Variants in MGAT4A observed in about 807,000 individuals in gnomAD.
MGAT4A encodes the protein alpha-1,3-mannosyl-glycoprotein 4-beta-N-acetylglucosaminyltransferase A.
A neutral mutation model predicts 74.1 loss-of-function variants in MGAT4A; 33 were observed. The observed-to-expected ratio is 0.45, with a 90% CI of 0.34 to 0.60. The LOEUF is 0.60. Among genes scored for constraint, MGAT4A ranks in the 20% least tolerant of loss-of-function variants. The pLI, the probability that MGAT4A is intolerant of heterozygous loss-of-function variation, is 0.02. For synonymous variants in MGAT4A, 198 were observed against 210.4 expected (o/e 0.94, Z 0.51); for missense variants, 479 against 628.3 (o/e 0.76, Z 2.54).
intron 14 of MGAT4A, among the ~76,000 whole-genome samples, chr2:98,631,396 C>T (rs1701231102): frequency 6.6e-6 from 1 of 152,316 alleles, no homozygotes; most frequent in Non-Finnish European, 1.5e-5. Context: ...GGGCCTGTGC[C>T]CACCGACCTA....
intron 9 of MGAT4A, among the ~76,000 whole-genome samples, chr2:98,644,433 G>A (rs373870743): frequency 8.9e-4 from 136 of 152,162 alleles, no homozygotes; most frequent in African/African-American, 3.2e-3. Context: ...AAAAAATAAG[G>A]ACTCCTAATT....
intron 13 of MGAT4A, among the ~76,000 whole-genome samples, chr2:98,635,859 G>A (rs1053615447): frequency 4.0e-5 from 6 of 151,508 alleles, no homozygotes; most frequent in East Asian, 2.0e-4. Flanking sequence ...ATAGTGCCAC[G>A]CACCTATACT....
chr2:98,662,743 G>C (rs1701770128), intron 5 of MGAT4A, among the ~76,000 whole-genome samples: 1 of 152,104 alleles, frequency 6.6e-6, no homozygotes, highest in Non-Finnish European at 1.5e-5. Flanking sequence ...CAGGTTTCAG[G>C]ACTCCCAAAG....
chr2:98,701,346 T>G (rs561512760), intron 2 of MGAT4A, among the ~76,000 whole-genome samples: 2 of 152,358 alleles, frequency 1.3e-5, no homozygotes, highest in Admixed American at 6.5e-5. Context: ...CTGTATCCAT[T>G]GCACAATGGG....
chr2:98,641,336 C>T (rs1270629353), intron 10 of MGAT4A, among the ~76,000 whole-genome samples: 2 of 151,748 alleles, frequency 1.3e-5, no homozygotes, highest in Non-Finnish European at 2.9e-5. Flanking sequence ...GCCTGGCCAA[C>T]GTGGTGAAAC....
chr2:98,635,372 T>C (rs1701304403), intron 13 of MGAT4A, 84 bp from the exon 14 acceptor site: 1 of 1,007,434 alleles, frequency 9.9e-7, no homozygotes, highest in East Asian at 2.7e-5. Flanking sequence ...ATAGATGAAG[T>C]GGCATTTGTA....
chr2:98,635,114 A>G (rs2104225356), intron 14 of MGAT4A, 108 bp downstream of exon 14: 1 of 768,496 alleles, frequency 1.3e-6, no homozygotes, highest in Non-Finnish European at 2.1e-6. Context: ...AACCTGGAGG[A>G]CACTGGTAAT....
chr2:98,716,652 C>A (rs1172541013), intron 2 of MGAT4A, among the ~76,000 whole-genome samples: 1 of 152,162 alleles, frequency 6.6e-6, no homozygotes, highest in African/African-American at 2.4e-5. Context: ...ACATCAACAT[C>A]ATTTCTGTGG....
chr2:98,729,522 G>A (rs993334451), intron 1 of MGAT4A, among the ~76,000 whole-genome samples: 8 of 152,000 alleles, frequency 5.3e-5, no homozygotes, highest in African/African-American at 1.9e-4. Flanking sequence ...AATCTAACAC[G>A]TTTGAATCTT....
Position 98,679,022 on chromosome 2 carries a change from C to T in MGAT4A, c.95-551G>A, listed in dbSNP as rs13014343. ...GGTCAAAGCCCTGATCCCTAAAAAC[C>T]CAGTGAGTGGCCAGGCGTGGTGGCT... On this transcript the variant is annotated intron_variant, in intron 2 of 15. Coordinates refer to ENST00000393487, the MANE Select transcript of MGAT4A (RefSeq NM_012214.3). 9.4e-3 allele frequency among the ~76,000 whole-genome samples: 1,436 copies of T among 152,216 alleles called. 14 individuals carry two copies. Among genetic ancestry groups the T allele is most frequent in the Admixed American group, 0.016 (247 of 15,294 alleles).
intron 4 of MGAT4A, chr2:98,663,498 C>A: frequency 7.4e-7 from 1 of 1,355,802 alleles, no homozygotes; most frequent in Non-Finnish European, 9.6e-7. Context: ...CTAAACATAT[C>A]TTAAAAACTA....
At chr2:98,630,223 T>C (rs1453705298) in intron 14 of MGAT4A, among the ~76,000 whole-genome samples, 1 of 152,134 alleles carries the variant, frequency 6.6e-6, no homozygotes, top group Non-Finnish European at 1.5e-5. Context: ...AGAGAACAGA[T>C]CGTGCTGTCC....
intron 2 of MGAT4A, among the ~76,000 whole-genome samples, chr2:98,679,034 C>T (rs764963330): frequency 8.0e-4 from 122 of 152,108 alleles, no homozygotes; most frequent in Non-Finnish European, 1.5e-3. Context: ...AGTGAGTGGC[C>T]AGGCGTGGTG....
chr2:98,684,787 A>T (rs1575268093), intron 2 of MGAT4A, among the ~76,000 whole-genome samples: 3 of 152,376 alleles, frequency 2.0e-5, no homozygotes, highest in Admixed American at 2.0e-4. Flanking sequence ...TATCAGCAAG[A>T]TGTACAAGAT....
In MGAT4A at chr2:98,639,933, G is replaced by C. The variant is rs1369528803; in HGVS notation, c.1197C>G (p.Ser399=). ...HVNPPAEVST[S]LKVYQGHTLE... Reference sequence around the variant, plus strand: ...GCGTATGCCCTTGGTAGACCTTCAAGGAAGTAGATACCTCCGCAGGTGGGT... The same window carrying C: ...GCGTATGCCCTTGGTAGACCTTCAACGAAGTAGATACCTCCGCAGGTGGGT... The change falls in exon 12 of 16, where the codon TCC becomes TCG. Residue 399 remains serine, a synonymous_variant. Transcript: ENST00000393487. The C allele has an allele frequency of 1.2e-6, 2 of 1,613,954 alleles. No homozygotes were observed. The highest frequency in any genetic ancestry group is 1.3e-5 in the African/African-American group (1 of 74,922).
chr2:98,638,222 C>A (rs181872418), intron 12 of MGAT4A, among the ~76,000 whole-genome samples: 3 of 152,226 alleles, frequency 2.0e-5, no homozygotes, highest in African/African-American at 7.2e-5. Flanking sequence ...CAGATTTGTT[C>A]TATGTACATA....
chr2:98,668,667 C>T (rs1388830379), intron 4 of MGAT4A, among the ~76,000 whole-genome samples: 1 of 152,214 alleles, frequency 6.6e-6, no homozygotes, highest in African/African-American at 2.4e-5. Flanking sequence ...GATAGATCCA[C>T]TCATGGCTTT....
chr2:98,730,869 G>T (rs1242929896), intron 1 of MGAT4A, among the ~76,000 whole-genome samples, 179 bp downstream of exon 1: 5 of 139,360 alleles, frequency 3.6e-5, no homozygotes, highest in African/African-American at 1.3e-4. Flanking sequence ...CAGCTCCCCC[G>T]CACAGAGCTC....
intron 2 of MGAT4A, among the ~76,000 whole-genome samples, chr2:98,700,848 G>A (rs1575275227): frequency 6.8e-6 from 1 of 146,568 alleles, no homozygotes; most frequent in African/African-American, 2.6e-5. Flanking sequence ...CCGAGATCGC[G>A]CCACTACACT....
Sources: allele counts gnomAD v4.1 joint callset (sites outside exome capture counted in the v4.1 genomes callset), GRCh38; gene constraint gnomAD v4.1.1; transcripts MANE v1.5; gene names NCBI Gene and HGNC (gene_info 2026-07-23, HGNC 2026-07-21).